Variants in TNRC18 observed in about 807,000 individuals in gnomAD.
TNRC18 encodes trinucleotide repeat containing 18, also known as trinucleotide repeat-containing gene 18 protein.
A neutral mutation model predicts 226.7 loss-of-function variants in TNRC18; 69 were observed. The ratio of observed to expected loss-of-function variants is 0.30; its 90% confidence interval spans 0.25 to 0.37. The LOEUF is 0.37. TNRC18 is among the 10% of genes least tolerant of loss of function. The pLI is 1.00. For synonymous variants in TNRC18, 2,449 were observed against 1,927.6 expected, an observed-to-expected ratio of 1.27 and a Z score of -7.09; for missense variants, 4,754 against 4,256.6, an observed-to-expected ratio of 1.12 and a Z score of -3.25.
chr7:5,418,268 AAGGCTCAAGGTAATAGGAAACTTAAAAAC>A (rs1782315246), intron 2 of TNRC18, among the ~76,000 whole-genome samples: 1 of 152,226 alleles, frequency 6.6e-6, no homozygotes, highest in African/African-American at 2.4e-5. Context: ...ACAATGTAGC[AAGGCTCAAGGTAATAGGAAACTTAAAAAC>A]CACCCTTCCC....
chr7:5,311,373 T>G (rs1027910102), intron 27 of TNRC18, among the ~76,000 whole-genome samples: 1 of 152,258 alleles, frequency 6.6e-6, no homozygotes, highest in African/African-American at 2.4e-5. Flanking sequence ...CCAGGCCATA[T>G]TGATTCACTC....
chr7:5,351,702 G>T, intron 17 of TNRC18, 117 bp downstream of exon 17: 1 of 1,201,432 alleles, frequency 8.3e-7, no homozygotes, highest in African/African-American at 1.5e-5. Flanking sequence ...GCGGCCATCC[G>T]CACGGGCCTC....
chr7:5,345,125 C>T (rs1791033673), intron 18 of TNRC18, among the ~76,000 whole-genome samples: 2 of 152,104 alleles, frequency 1.3e-5, no homozygotes, highest in African/African-American at 4.8e-5. Flanking sequence ...ATGAGATGCG[C>T]TCTCTCTTCT....
rs1779099544 is a variant in TNRC18 at position 5,377,736 on chromosome 7, A to G, written c.2256-160T>C. Among the ~76,000 whole-genome samples, 3 of 152,112 alleles carry G rather than the reference A, an allele frequency of 2.0e-5. No homozygotes were observed. The highest frequency in any genetic ancestry group is 7.2e-5 in the African/African-American group (3 of 41,440). On this transcript the variant is annotated intron_variant, in intron 6 of 29. Coordinates refer to ENST00000430969, the MANE Select transcript of TNRC18 (RefSeq NM_001080495.3). The surrounding 1 kb of genome is among the most constrained non-coding windows in gnomAD (Gnocchi z 5.8). Reference sequence around the variant, plus strand: ...TCCCGGGGCCTTCCACACTCACTGTAGGGGCAGTGGGGCCACCTGGCCTGG... The same window carrying G: ...TCCCGGGGCCTTCCACACTCACTGTGGGGGCAGTGGGGCCACCTGGCCTGG...
At chr7:5,376,453 A>C (rs901076851) in intron 8 of TNRC18, among the ~76,000 whole-genome samples, 3 of 152,082 alleles carry the variant, frequency 2.0e-5, no homozygotes, top group Non-Finnish European at 4.4e-5. Context: ...CCGGGGTGGG[A>C]TGTTCCCACA....
intron 2 of TNRC18, among the ~76,000 whole-genome samples, chr7:5,416,111 C>CAA (rs35630581): frequency 0.012 from 1,027 of 83,148 alleles, 26 homozygotes; most frequent in African/African-American, 0.045. Context: ...GACTCTCTCG[C>CAA]AAAAAAAAAA....
chr7:5,325,065 C>G, intron 20 of TNRC18, 31 bp downstream of exon 20: 1 of 1,548,242 alleles, frequency 6.5e-7, no homozygotes, highest in East Asian at 2.4e-5. Context: ...GAGCCCCCCA[C>G]AGCCCCCAAC....
chr7:5,359,802 T>C (rs1262856102), intron 14 of TNRC18, among the ~76,000 whole-genome samples: 4 of 150,956 alleles, frequency 2.6e-5, no homozygotes, highest in African/African-American at 9.7e-5. Context: ...AGCATTTTCT[T>C]TCTTGTGCGC....
At chr7:5,362,123 G>A (rs1793120361) in intron 12 of TNRC18, 90 bp from the exon 13 acceptor site, 14 of 1,502,130 alleles carry the variant, frequency 9.3e-6, no homozygotes, top group Non-Finnish European at 1.3e-5. Flanking sequence ...CTGAGGAAGG[G>A]GAGACTGCAC....
At chr7:5,383,916 C>G (rs1779571948) in intron 5 of TNRC18, among the ~76,000 whole-genome samples, 1 of 149,912 alleles carries the variant, frequency 6.7e-6, no homozygotes. Flanking sequence ...CTTTAGCCTC[C>G]TAAGTAGCTG....
intron 14 of TNRC18, among the ~76,000 whole-genome samples, chr7:5,360,421 G>C (rs778999792): frequency 6.6e-5 from 10 of 151,932 alleles, no homozygotes; most frequent in Non-Finnish European, 1.3e-4. Context: ...GTAAAGAAGG[G>C]GTTTCTCCAT....
At position 5,406,965 on chromosome 7, in the gene TNRC18, C is replaced by A. The variant is rs74761914; in HGVS notation, c.188-12370G>T. Among the ~76,000 whole-genome samples, 251 of 152,310 alleles carry A rather than the reference C, an allele frequency of 1.6e-3. 7 individuals carry two copies. The East Asian group carries it at 0.04, about 24-fold the overall frequency. ...CCCCCACCTCCCTGCCAGCCCCCAG[C>A]GTTCCTGCAGGGAGCTAGGGCCTTG... is the stretch of plus-strand genomic sequence containing the variant. On this transcript the variant is annotated intron_variant, in intron 2 of 29. Transcript: ENST00000430969.
At position 5,387,856 on chromosome 7, in the gene TNRC18, C is replaced by G; in HGVS notation, c.1968G>C (p.Glu656Asp). ...CGAAAGCTTTGGCGCTCTCGGGCCT[C>G]TCGGGGTCCCGCTTCAGCTGCCGGC... Reference protein sequence around the residue: ...GGGRQLKRDPERPESAKAFGR... With the variant: ...GGGRQLKRDPDRPESAKAFGR... The change falls in exon 5 of 30, where the codon GAG (glutamate) becomes GAC (aspartate). Residue 656 changes from glutamate (E) to aspartate (D), a missense_variant. Transcript: ENST00000430969. The G allele has an allele frequency of 6.2e-7, 1 of 1,600,406 alleles. No individual in the cohort carries two copies. Among genetic ancestry groups the G allele is most frequent in the Non-Finnish European group, 8.5e-7 (1 of 1,176,472 alleles).
chr7:5,413,262 C>T (rs956688239), intron 2 of TNRC18, among the ~76,000 whole-genome samples: 64 of 152,278 alleles, frequency 4.2e-4, no homozygotes, highest in African/African-American at 1.4e-3. Context: ...GAGCAGCCCC[C>T]GCCAGCCACA....
intron 2 of TNRC18, among the ~76,000 whole-genome samples, chr7:5,414,835 A>G (rs1259355016): frequency 1.3e-5 from 2 of 152,202 alleles, no homozygotes; most frequent in African/African-American, 2.4e-5. Context: ...TCCATATTCC[A>G]GTTTTGTCAA....
intron 2 of TNRC18, among the ~76,000 whole-genome samples, chr7:5,401,957 C>CCT (rs2128209830): frequency 1.3e-5 from 2 of 151,996 alleles, no homozygotes; most frequent in Non-Finnish European, 2.9e-5. Flanking sequence ...GGGCAGCTCA[C>CCT]AAGGTCAGCA....
Position 5,308,947 on chromosome 7 carries a change from G to A in TNRC18, c.8628C>T (p.His2876=), listed in dbSNP as rs761349838. 3 of 1,595,542 alleles carry A rather than the reference G, an allele frequency of 1.9e-6. No homozygotes were observed. The highest frequency in any genetic ancestry group is 1.7e-6 in the Non-Finnish European group (2 of 1,172,158). The change falls in exon 29 of 30, where the codon CAC becomes CAT. Residue 2876 remains histidine, a splice_region_variant and synonymous_variant. Coordinates refer to ENST00000430969, the MANE Select transcript of TNRC18 (RefSeq NM_001080495.3). ...GGCTGCGGCTGGACTTCTGGTCCCAGTGCTGTGTGGGGGAGAGAGGAGGGG... is the reference window on the plus strand; with the variant it reads ...GGCTGCGGCTGGACTTCTGGTCCCAATGCTGTGTGGGGGAGAGAGGAGGGG... ...SPGKQFHQGQ[H]WDQKSSRSLP...
At chr7:5,379,277 G>C (rs56327832) in intron 5 of TNRC18, among the ~76,000 whole-genome samples, 33,512 of 151,788 alleles carry the variant, frequency 0.22, 6,584 homozygotes, top group African/African-American at 0.53. Context: ...GTAGTCCCAG[G>C]TACTCGTGAG....
chr7:5,420,557 C>G (rs748680358), intron 2 of TNRC18: 2 of 447,572 alleles, frequency 4.5e-6, no homozygotes, highest in South Asian at 1.6e-5. Context: ...CCCCGGCGTA[C>G]TCCCGCATCC....
Sources: allele counts gnomAD v4.1 joint callset (sites outside exome capture counted in the v4.1 genomes callset), GRCh38; gene constraint gnomAD v4.1.1; non-coding constraint Gnocchi (gnomAD v3.1); transcripts MANE v1.5; gene names NCBI Gene and HGNC (gene_info 2026-07-23, HGNC 2026-07-21).